The following ARMH4 variants were observed in gnomAD, a reference collection of about 807,000 sequenced individuals.
The protein encoded by ARMH4 is armadillo-like helical domain-containing protein 4.
ARMH4 carries 49 observed loss-of-function variants against 61.9 expected under a neutral mutation model. The observed-to-expected ratio is 0.79, with a 90% CI of 0.63 to 1.00. ARMH4 has a LOEUF of 1.00. Ranked by LOEUF, ARMH4 falls within the 50% of genes least tolerant of loss-of-function variation. The pLI is 0.00. For missense variants in ARMH4, 934 were observed against 930.0 expected (o/e 1.00, Z -0.06); for synonymous variants, 368 against 341.5 (o/e 1.08, Z -0.85).
chr14:58,131,737 G>A lies in ARMH4; in HGVS notation c.1622-16C>T. ...TCCATTTGTTCTGCCAAACACAACA[G>A]ACAGGACTTGACCCACAAGATAATC... On this transcript the variant is annotated splice_polypyrimidine_tract_variant and intron_variant, in intron 3 of 7. Transcript: ENST00000267485. 6.2e-7 allele frequency: 1 copy of A among 1,604,934 alleles called. No individual in the cohort carries two copies. The highest frequency in any genetic ancestry group is 8.5e-7 in the Non-Finnish European group (1 of 1,173,730).
chr14:58,059,324 G>A (rs1884455101), intron 5 of ARMH4, among the ~76,000 whole-genome samples: 1 of 152,216 alleles, frequency 6.6e-6, no homozygotes, highest in East Asian at 1.9e-4. Context: ...ATGCTCCCAG[G>A]GGACCTGAGG....
intron 5 of ARMH4, among the ~76,000 whole-genome samples, chr14:58,075,219 T>C (rs1485789233): frequency 6.6e-6 from 1 of 152,140 alleles, no homozygotes; most frequent in African/African-American, 2.4e-5. Flanking sequence ...GATCTAGAAC[T>C]AGAAATACCA....
intron 1 of ARMH4, among the ~76,000 whole-genome samples, chr14:58,143,033 C>T (rs1307230197): frequency 6.6e-6 from 1 of 152,222 alleles, no homozygotes; most frequent in Admixed American, 6.5e-5. Context: ...GATGACTGCA[C>T]CCCTGGCTGA....
At chr14:58,097,194 A>G (rs978142019) in intron 4 of ARMH4, among the ~76,000 whole-genome samples, 2 of 152,212 alleles carry the variant, frequency 1.3e-5, no homozygotes, top group Non-Finnish European at 1.5e-5. Context: ...GTTATGTCAG[A>G]TAAGTATCAG....
chr14:58,118,548 A>C (rs1377042422), intron 4 of ARMH4, among the ~76,000 whole-genome samples: 2 of 151,506 alleles, frequency 1.3e-5, no homozygotes, highest in Non-Finnish European at 2.9e-5. Context: ...CCCTTTACAT[A>C]GGGGGAAAAA....
At chr14:58,025,100 C>T (rs563563802) in intron 5 of ARMH4, among the ~76,000 whole-genome samples, 3 of 152,090 alleles carry the variant, frequency 2.0e-5, no homozygotes, top group South Asian at 2.1e-4. Flanking sequence ...CAGGTTGCCA[C>T]GAACCCTCAA....
In ARMH4 at chr14:58,103,523, C is replaced by T. The variant is rs144210688; in HGVS notation, c.1832-6542G>A. ...ATTCATAAAACCAACTCCCGCCCCC[C>T]CCAAAAAAAAACCCTACTTAAAAAC... On this transcript the variant is annotated intron_variant, in intron 4 of 7. Coordinates refer to ENST00000267485, the MANE Select transcript of ARMH4 (RefSeq NM_001001872.4). Among the ~76,000 whole-genome samples, 535 of 151,862 alleles carry T rather than the reference C, an allele frequency of 3.5e-3. 3 individuals are homozygous for T. Among genetic ancestry groups the T allele is most frequent in the African/African-American group, 0.012 (493 of 41,408 alleles).
At chr14:58,041,407 C>T (rs1000355691) in intron 5 of ARMH4, among the ~76,000 whole-genome samples, 1 of 152,136 alleles carries the variant, frequency 6.6e-6, no homozygotes, top group African/African-American at 2.4e-5. Context: ...GAGATTTTCT[C>T]AACACCAGGC....
intron 5 of ARMH4, among the ~76,000 whole-genome samples, chr14:58,079,638 T>A (rs1261778450): frequency 1.3e-5 from 2 of 152,206 alleles, no homozygotes; most frequent in Admixed American, 6.5e-5. Context: ...TTACCATATA[T>A]TTATGTGCCC....
chr14:58,064,075 TTGAGCCAACACCC>T, intron 5 of ARMH4, among the ~76,000 whole-genome samples: 1 of 149,910 alleles, frequency 6.7e-6, no homozygotes, highest in African/African-American at 2.5e-5. Context: ...CAACAATAGG[TTGAGCCAACACCC>T]AAAATGTTGG....
chr14:58,003,414 T>G lies in ARMH4; in HGVS notation c.*1322A>C, dbSNP rs1173934974. 1 of 152,222 alleles carries G rather than the reference T, an allele frequency of 6.6e-6. No individual in the cohort carries two copies. Among genetic ancestry groups the G allele is most frequent in the African/African-American group, 2.4e-5 (1 of 41,462 alleles). 9.4% of individuals were successfully genotyped at this position (152,222 alleles called of 1,614,324 possible). ...ACATAGTAGCTCTGAGGAATAACTGTGCAACTTTTCTTGAACATAGTAGAC... is the reference window on the plus strand; with the variant it reads ...ACATAGTAGCTCTGAGGAATAACTGGGCAACTTTTCTTGAACATAGTAGAC... On this transcript the variant is annotated 3_prime_UTR_variant, in exon 8 of 8. Coordinates refer to ENST00000267485, the MANE Select transcript of ARMH4 (RefSeq NM_001001872.4).
chr14:58,148,798 AACTT>A (rs1453182796), intron 1 of ARMH4, among the ~76,000 whole-genome samples: 1 of 151,974 alleles, frequency 6.6e-6, no homozygotes, highest in Non-Finnish European at 1.5e-5. Flanking sequence ...CAATAACAAT[AACTT>A]ATGTGTTCTC....
intron 4 of ARMH4, among the ~76,000 whole-genome samples, chr14:58,128,784 T>C (rs1886987498): frequency 6.6e-6 from 1 of 152,212 alleles, no homozygotes; most frequent in South Asian, 2.1e-4. Flanking sequence ...TGTTACATGT[T>C]GAATTGTGTC....
intron 4 of ARMH4, among the ~76,000 whole-genome samples, chr14:58,121,780 G>A (rs1886733153): frequency 6.6e-6 from 1 of 152,114 alleles, no homozygotes; most frequent in African/African-American, 2.4e-5. Flanking sequence ...TTCATAATCT[G>A]TCATATAAGA....
intron 5 of ARMH4, among the ~76,000 whole-genome samples, chr14:58,064,017 T>C (rs1889158102): frequency 6.6e-6 from 1 of 152,216 alleles, no homozygotes; most frequent in African/African-American, 2.4e-5. Context: ...ATGGCTGGTG[T>C]AGGTAATACG....
At chr14:58,013,901 C>T (rs1226741286) in intron 5 of ARMH4, among the ~76,000 whole-genome samples, 1 of 152,006 alleles carries the variant, frequency 6.6e-6, no homozygotes, top group Non-Finnish European at 1.5e-5. Context: ...GTGGCAGACA[C>T]CTGTAATCGC....
intron 5 of ARMH4, among the ~76,000 whole-genome samples, chr14:58,059,152 G>T (rs1398476899): frequency 6.6e-6 from 1 of 152,258 alleles, no homozygotes; most frequent in East Asian, 1.9e-4. Context: ...TCCAAAAGAT[G>T]CAAAGAGAAG....
intron 5 of ARMH4, among the ~76,000 whole-genome samples, chr14:58,038,295 C>T (rs1883551281): frequency 1.1e-5 from 1 of 91,894 alleles, no homozygotes; most frequent in Non-Finnish European, 2.3e-5. Context: ...AGTAAACTAT[C>T]GCAAGAACAA....
At chr14:58,088,511 A>G (rs1885453147) in intron 5 of ARMH4, among the ~76,000 whole-genome samples, 1 of 152,074 alleles carries the variant, frequency 6.6e-6, no homozygotes, top group African/African-American at 2.4e-5. Context: ...TCTAGGAAAA[A>G]TAATTCCATT....
Sources: allele counts gnomAD v4.1 joint callset (sites outside exome capture counted in the v4.1 genomes callset), GRCh38; gene constraint gnomAD v4.1.1; transcripts MANE v1.5; gene names NCBI Gene and HGNC (gene_info 2026-07-23, HGNC 2026-07-21).